Variants in PDE10A observed in about 807,000 individuals in gnomAD.
The protein encoded by PDE10A is cAMP and cAMP-inhibited cGMP 3',5'-cyclic phosphodiesterase 10A.
Under a neutral mutation model 97.7 loss-of-function variants are expected in PDE10A, and 39 were observed. The observed-to-expected ratio is 0.40, with a 90% CI of 0.31 to 0.52. The LOEUF (loss-of-function observed/expected upper bound fraction) is 0.52, where lower values mean the gene tolerates loss of function less well. Ranked by LOEUF, PDE10A falls within the 20% of genes least tolerant of loss-of-function variation. The probability of loss-of-function intolerance (pLI) is 0.56; values close to 1 mark genes in which losing one functional copy is unlikely to be tolerated. For missense variants in PDE10A, 731 were observed against 1,047.8 expected (o/e 0.70, Z 4.17); for synonymous variants, 371 against 376.8 (o/e 0.98, Z 0.18).
At chr6:165,925,645 C>T (rs1416442621) in intron 1 of PDE10A, among the ~76,000 whole-genome samples, 1 of 152,150 alleles carries the variant, frequency 6.6e-6, no homozygotes, top group Non-Finnish European at 1.5e-5. Flanking sequence ...ATGATCATTT[C>T]AATAACATTC....
chr6:165,744,045 T>C (rs955949418), intron 1 of PDE10A, among the ~76,000 whole-genome samples: 24 of 152,172 alleles, frequency 1.6e-4, no homozygotes, highest in African/African-American at 5.5e-4. Context: ...GCCTCCTTTG[T>C]AAAATTGGGA....
intron 13 of PDE10A, among the ~76,000 whole-genome samples, chr6:165,410,530 G>A (rs1393139631): frequency 6.6e-6 from 1 of 152,240 alleles, no homozygotes; most frequent in East Asian, 1.9e-4. Context: ...GTTAGGTATC[G>A]TAGAGACAGA....
chr6:165,983,488 G>A (rs568783333), intron 1 of PDE10A, among the ~76,000 whole-genome samples: 1 of 152,284 alleles, frequency 6.6e-6, no homozygotes, highest in South Asian at 2.1e-4. Context: ...CTCCTCTCTA[G>A]GCAGCCTATA....
chr6:165,373,399 C>A (rs1282017450), intron 18 of PDE10A, among the ~76,000 whole-genome samples: 1 of 152,138 alleles, frequency 6.6e-6, no homozygotes, highest in Non-Finnish European at 1.5e-5. Flanking sequence ...AAACAAACAA[C>A]CCCATCAAAA....
At chr6:165,631,383 T>C (rs141483093) in intron 1 of PDE10A, among the ~76,000 whole-genome samples, 22 of 152,326 alleles carry the variant, frequency 1.4e-4, no homozygotes, top group Admixed American at 6.5e-4. Context: ...GAAAAGTAAC[T>C]GAAGTTGCTA....
At chr6:165,702,930 G>C (rs1043623783) in intron 1 of PDE10A, among the ~76,000 whole-genome samples, 1 of 152,250 alleles carries the variant, frequency 6.6e-6, no homozygotes, top group Non-Finnish European at 1.5e-5. Context: ...CCCCAGAGCA[G>C]ATGGGCGGTG....
chr6:165,982,286 T>C (rs1785043217), intron 1 of PDE10A, among the ~76,000 whole-genome samples: 1 of 152,232 alleles, frequency 6.6e-6, no homozygotes, highest in African/African-American at 2.4e-5. Context: ...TTTTAAGCAC[T>C]ACCAAGGCAA....
chr6:165,949,638 G>A (rs1042494187), intron 1 of PDE10A: 17 of 152,208 alleles, frequency 1.1e-4, no homozygotes, highest in African/African-American at 2.9e-4. Context: ...AAATAAAAAC[G>A]TAGGAGATCT....
chr6:165,736,208 GT>G (rs1431113413), intron 1 of PDE10A, among the ~76,000 whole-genome samples: 2 of 152,186 alleles, frequency 1.3e-5, no homozygotes, highest in African/African-American at 4.8e-5. Context: ...TAAAGAAACT[GT>G]AAAAAGGGAA....
intron 1 of PDE10A, among the ~76,000 whole-genome samples, chr6:165,835,969 C>T (rs551858495): frequency 6.6e-6 from 1 of 152,316 alleles, no homozygotes; most frequent in South Asian, 2.1e-4. Context: ...TGCTGTCTCC[C>T]AGCTGAACTT....
intron 1 of PDE10A, among the ~76,000 whole-genome samples, chr6:165,601,623 C>T (rs1299086471): frequency 6.6e-6 from 1 of 152,128 alleles, no homozygotes; most frequent in Non-Finnish European, 1.5e-5. Context: ...TGCCACAGCC[C>T]CCTGAAGTTT....
At chr6:165,440,781 G>GA (rs1684818163) in intron 5 of PDE10A, among the ~76,000 whole-genome samples, 1 of 151,708 alleles carries the variant, frequency 6.6e-6, no homozygotes, top group South Asian at 2.1e-4. Flanking sequence ...GTAAATTATG[G>GA]AAAGGTTGTT....
chr6:165,479,022 A>T (rs957605765), intron 3 of PDE10A, among the ~76,000 whole-genome samples: 1 of 152,152 alleles, frequency 6.6e-6, no homozygotes, highest in Non-Finnish European at 1.5e-5. Context: ...GTATAAAACC[A>T]AGCTGTAGCC....
intron 1 of PDE10A, among the ~76,000 whole-genome samples, chr6:165,979,926 A>T (rs1340961382): frequency 6.6e-6 from 1 of 152,246 alleles, no homozygotes; most frequent in Non-Finnish European, 1.5e-5. Flanking sequence ...AAAATAACAC[A>T]ATTCATTCTC....
intron 1 of PDE10A, among the ~76,000 whole-genome samples, chr6:165,856,670 G>T (rs1481153505): frequency 1.3e-5 from 2 of 152,166 alleles, no homozygotes; most frequent in African/African-American, 4.8e-5. Context: ...TATTCAAGAA[G>T]TCTTTGGTTC....
intron 1 of PDE10A, among the ~76,000 whole-genome samples, chr6:165,864,541 GC>G (rs769662446): frequency 1.3e-5 from 2 of 152,176 alleles, no homozygotes; most frequent in Non-Finnish European, 2.9e-5. Flanking sequence ...TTCTTACACA[GC>G]AATTTAACAA....
chr6:165,678,432 GAA>G (rs77098604), intron 1 of PDE10A, among the ~76,000 whole-genome samples: 2 of 147,774 alleles, frequency 1.4e-5, no homozygotes, highest in African/African-American at 5.0e-5. Context: ...CTGTATTCTT[GAA>G]AAAAAAAATC....
intron 1 of PDE10A, among the ~76,000 whole-genome samples, chr6:165,829,341 G>A (rs888899316): frequency 6.6e-6 from 1 of 151,948 alleles, no homozygotes; most frequent in Admixed American, 6.6e-5. Context: ...GATCTCATCG[G>A]CCATGCAGTC....
chr6:165,491,404 T>C (rs528365776), intron 2 of PDE10A, among the ~76,000 whole-genome samples: 2 of 152,286 alleles, frequency 1.3e-5, no homozygotes, highest in Non-Finnish European at 2.9e-5. Flanking sequence ...ATTTAACAGA[T>C]ATTTACACAA....
Sources: allele counts gnomAD v4.1 joint callset (sites outside exome capture counted in the v4.1 genomes callset), GRCh38; gene constraint gnomAD v4.1.1; transcripts MANE v1.5; gene names NCBI Gene and HGNC (gene_info 2026-07-23, HGNC 2026-07-21).